SGMS1: variants seen among roughly 807,000 people sequenced by gnomAD.
SGMS1 encodes the protein sphingomyelin synthase 1, also known as phosphatidylcholine:ceramide cholinephosphotransferase 1.
In SGMS1, 13 loss-of-function variants were observed where a neutral mutation model predicts 46.2. That is an observed-to-expected ratio of 0.28 (90% confidence interval 0.18 to 0.45). The LOEUF (loss-of-function observed/expected upper bound fraction) is 0.45, where lower values mean the gene tolerates loss of function less well. Among genes scored for constraint, SGMS1 ranks in the 20% least tolerant of loss-of-function variants. The pLI, the probability that SGMS1 is intolerant of heterozygous loss-of-function variation, is 1.00. For missense variants in SGMS1, 324 were observed against 519.9 expected (o/e 0.62, Z 3.66); for synonymous variants, 203 against 187.8 (o/e 1.08, Z -0.66).
At chr10:50,478,789 C>G (rs1158938051) in intron 3 of SGMS1, among the ~76,000 whole-genome samples, 1 of 152,108 alleles carries the variant, frequency 6.6e-6, no homozygotes, top group Non-Finnish European at 1.5e-5. Context: ...TTTTTCAAAG[C>G]TACAACAATC....
intron 6 of SGMS1, among the ~76,000 whole-genome samples, chr10:50,358,178 T>C (rs76080863): frequency 0.017 from 2,581 of 150,722 alleles, 70 homozygotes; most frequent in African/African-American, 0.059. Flanking sequence ...AAAAGTAACA[T>C]GGAGTATATA....
chr10:50,411,906 T>G (rs907375905), intron 6 of SGMS1, among the ~76,000 whole-genome samples: 3 of 152,222 alleles, frequency 2.0e-5, no homozygotes, highest in African/African-American at 7.2e-5. Context: ...GAAAGTTAAT[T>G]AAACTTGAAA....
At position 50,379,511 on chromosome 10, in the gene SGMS1, C is replaced by T. The variant is rs79699959; in HGVS notation, c.-231-35166G>A. ...TAGAAACATATACATACAGAGGCTA[C>T]GGAGGGACAGGGATAGAGAATTGGA... On this transcript the variant is annotated intron_variant, in intron 6 of 10. Transcript: ENST00000361781. Among the ~76,000 whole-genome samples the T allele has an allele frequency of 4.9e-3, 749 of 151,778 alleles. 8 individuals are homozygous for T. The highest frequency in any genetic ancestry group is 7.0e-3 in the Non-Finnish European group (478 of 67,952).
chr10:50,522,561 G>T (rs1163899406), intron 2 of SGMS1, among the ~76,000 whole-genome samples: 1 of 152,096 alleles, frequency 6.6e-6, no homozygotes, highest in Non-Finnish European at 1.5e-5. Flanking sequence ...ACAATTGGAG[G>T]GTGTTCAGTT....
At chr10:50,341,512 T>G (rs1390918875) in intron 7 of SGMS1, 1 of 449,336 alleles carries the variant, frequency 2.2e-6, no homozygotes, top group Admixed American at 2.4e-5. Context: ...GCTAATAAAA[T>G]TCAATATAAT....
At chr10:50,544,582 C>G (rs552649475) in intron 2 of SGMS1, among the ~76,000 whole-genome samples, 2 of 152,218 alleles carry the variant, frequency 1.3e-5, no homozygotes, top group South Asian at 4.2e-4. Flanking sequence ...AAAGGTAAGA[C>G]AATGTATCAG....
intron 5 of SGMS1, among the ~76,000 whole-genome samples, chr10:50,453,757 G>A (rs1280690674): frequency 7.5e-6 from 1 of 133,146 alleles, no homozygotes; most frequent in Non-Finnish European, 1.6e-5. Context: ...AGAGGGAGAA[G>A]GAAGGAAGGA....
chr10:50,352,777 A>G (rs536936555), intron 6 of SGMS1, among the ~76,000 whole-genome samples: 1 of 152,346 alleles, frequency 6.6e-6, no homozygotes, highest in South Asian at 2.1e-4. Flanking sequence ...GGTGTTCTAA[A>G]TACAAACTAC....
intron 3 of SGMS1, among the ~76,000 whole-genome samples, chr10:50,489,844 G>A (rs1169723138): frequency 6.6e-6 from 1 of 152,074 alleles, no homozygotes; most frequent in Non-Finnish European, 1.5e-5. Context: ...CGTGGTGGCA[G>A]GTGCCTGTAA....
chr10:50,504,894 C>T (rs1277759746), intron 3 of SGMS1, among the ~76,000 whole-genome samples: 1 of 152,074 alleles, frequency 6.6e-6, no homozygotes, highest in Non-Finnish European at 1.5e-5. Context: ...GCCTCCATAC[C>T]TCTCCCCAGT....
chr10:50,318,865 G>T (rs144489934), intron 8 of SGMS1, among the ~76,000 whole-genome samples: 9 of 151,994 alleles, frequency 5.9e-5, no homozygotes, highest in Non-Finnish European at 1.2e-4. Flanking sequence ...TTAGGGATAG[G>T]GGGTGTCTCT....
chr10:50,449,276 T>A (rs1343854443), intron 5 of SGMS1, among the ~76,000 whole-genome samples: 1 of 152,218 alleles, frequency 6.6e-6, no homozygotes, highest in Non-Finnish European at 1.5e-5. Flanking sequence ...TATGGTTAAA[T>A]CCTCAGTGTT....
Position 50,444,276 on chromosome 10 carries a change from A to T in SGMS1, c.-312-10720T>A, listed in dbSNP as rs1836980501. Among the ~76,000 whole-genome samples the T allele has an allele frequency of 2.0e-5, 3 of 152,220 alleles. No homozygotes were observed. The South Asian group carries it at 6.2e-4, about 32-fold the overall frequency. On this transcript the variant is annotated intron_variant, in intron 5 of 10. Coordinates refer to ENST00000361781, the MANE Select transcript of SGMS1 (RefSeq NM_147156.4). Reference sequence around the variant, plus strand: ...AAAGTCACAGATAAACATGTAATAAAAGGATATACCAGTAGAAACTCAATA... The same window carrying T: ...AAAGTCACAGATAAACATGTAATAATAGGATATACCAGTAGAAACTCAATA...
intron 7 of SGMS1, among the ~76,000 whole-genome samples, chr10:50,330,936 A>G (rs757890661): frequency 1.3e-5 from 2 of 152,174 alleles, no homozygotes; most frequent in Non-Finnish European, 2.9e-5. Flanking sequence ...GCCTTTGACC[A>G]TCTCAATTAA....
chr10:50,452,969 A>C (rs1371797748), intron 5 of SGMS1, among the ~76,000 whole-genome samples: 1 of 152,166 alleles, frequency 6.6e-6, no homozygotes, highest in African/African-American at 2.4e-5. Flanking sequence ...CCAGATTGAT[A>C]GTGGCTACAG....
At position 50,307,234 on chromosome 10, in the gene SGMS1, T is replaced by G. The variant is rs754890090; in HGVS notation, c.1150A>C (p.Ile384Leu). ...FQYFEKNVQG[I>L]VPRSYHWPFP... ...GGCCAATGGTAAGATCGAGGTACAA[T>G]TCCTTGGACATTCTTTTCAAAGTAC... Residue 384 changes from isoleucine (I) to leucine (L), a missense_variant, in exon 11 of 11, where the codon ATT (isoleucine) becomes CTT (leucine). Coordinates refer to ENST00000361781, the MANE Select transcript of SGMS1 (RefSeq NM_147156.4). This position sits in a 1 kb window ranked among gnomAD's most constrained non-coding sequence, Gnocchi z 4.2. The G allele has an allele frequency of 3.1e-6, 5 of 1,614,090 alleles. No individual in the cohort carries two copies. The highest frequency in any genetic ancestry group is 8.5e-7 in the Non-Finnish European group (1 of 1,179,976).
At chr10:50,567,866 AGAC>A in intron 2 of SGMS1, among the ~76,000 whole-genome samples, 1 of 152,274 alleles carries the variant, frequency 6.6e-6, no homozygotes, top group South Asian at 2.1e-4. Context: ...CTTGGATTTC[AGAC>A]TTTCCAGAAA....
intron 6 of SGMS1, among the ~76,000 whole-genome samples, chr10:50,358,205 A>T (rs10763366): frequency 0.57 from 75,691 of 133,404 alleles, 19,167 homozygotes; most frequent in Admixed American, 0.67. Context: ...TTTACTCTGA[A>T]AGCTTACAGT....
At chr10:50,361,658 C>T (rs1848250875) in intron 6 of SGMS1, among the ~76,000 whole-genome samples, 1 of 152,194 alleles carries the variant, frequency 6.6e-6, no homozygotes, top group Admixed American at 6.5e-5. Flanking sequence ...ATCTTGAAGG[C>T]TCTCTCAAAC....
Sources: gnomAD v4.1 joint callset for allele counts (sites outside exome capture counted in the v4.1 genomes callset) on GRCh38, gnomAD v4.1.1 for gene constraint, Gnocchi (gnomAD v3.1) non-coding constraint, MANE v1.5 for transcripts, NCBI Gene and HGNC (gene_info 2026-07-23, HGNC 2026-07-21) for gene names.